The following CSMD1 variants were observed in gnomAD, a reference collection of about 807,000 sequenced individuals.
The protein encoded by CSMD1 is CUB and sushi domain-containing protein 1.
CSMD1 carries 213 observed loss-of-function variants against 417.5 expected under a neutral mutation model. The observed-to-expected ratio is 0.51, with a 90% CI of 0.46 to 0.57. CSMD1 has a LOEUF of 0.57. CSMD1 is among the 20% of genes least tolerant of loss of function. The probability of loss-of-function intolerance (pLI) is 0.00; values close to 1 mark genes in which losing one functional copy is unlikely to be tolerated. For missense variants in CSMD1, 6,923 were observed against 4,529.7 expected (o/e 1.53, Z -15.17); for synonymous variants, 2,862 against 1,736.8 (o/e 1.65, Z -16.11).
chr8:3,066,528 C>G (rs1450374874), intron 49 of CSMD1, among the ~76,000 whole-genome samples: 1 of 152,154 alleles, frequency 6.6e-6, no homozygotes, highest in African/African-American at 2.4e-5. Context: ...TCTGGGGGTC[C>G]TTTAATTCTT....
chr8:4,734,641 CT>C (rs201065424), intron 1 of CSMD1, among the ~76,000 whole-genome samples: 1 of 152,090 alleles, frequency 6.6e-6, no homozygotes, highest in Non-Finnish European at 1.5e-5. Flanking sequence ...ACTGGAAATA[CT>C]TTTTTTATTT....
chr8:4,036,669 C>G (rs1438094170), intron 3 of CSMD1, among the ~76,000 whole-genome samples: 2 of 152,198 alleles, frequency 1.3e-5, no homozygotes, highest in African/African-American at 4.8e-5. Context: ...CATGCCTGTT[C>G]TTTTCATGAA....
chr8:3,401,681 C>A (rs1812047509), intron 15 of CSMD1, among the ~76,000 whole-genome samples: 1 of 152,148 alleles, frequency 6.6e-6, no homozygotes, highest in Non-Finnish European at 1.5e-5. Context: ...CAGGTCCCTT[C>A]TTCAGTTGCT....
At chr8:3,367,415 G>T (rs1585060862) in intron 19 of CSMD1, among the ~76,000 whole-genome samples, 168 bp from the exon 20 acceptor site, 1 of 151,924 alleles carries the variant, frequency 6.6e-6, no homozygotes, top group Non-Finnish European at 1.5e-5. Context: ...TAGCCACAGA[G>T]AGACAGAGAT....
chr8:3,890,308 T>C (rs1806875938), intron 5 of CSMD1, among the ~76,000 whole-genome samples: 1 of 152,092 alleles, frequency 6.6e-6, no homozygotes, highest in Non-Finnish European at 1.5e-5. Flanking sequence ...AATATTAATA[T>C]TAATGGAGAA....
chr8:4,131,320 G>C (rs941074031), intron 3 of CSMD1, among the ~76,000 whole-genome samples: 6 of 152,162 alleles, frequency 3.9e-5, no homozygotes, highest in Admixed American at 3.9e-4. Context: ...TGTGAGGTCT[G>C]ACTGTGCTTT....
intron 7 of CSMD1, among the ~76,000 whole-genome samples, chr8:3,633,224 G>C (rs1224340004): frequency 2.0e-5 from 3 of 152,120 alleles, no homozygotes; most frequent in Non-Finnish European, 4.4e-5. Context: ...AACTTAAAAT[G>C]TCTACATTGG....
At chr8:3,087,011 G>T in intron 49 of CSMD1, 86 bp downstream of exon 49, 1 of 1,197,728 alleles carries the variant, frequency 8.3e-7, no homozygotes, top group Non-Finnish European at 1.2e-6. Context: ...TTTATTCTTA[G>T]TTAGTGCTTC....
intron 3 of CSMD1, among the ~76,000 whole-genome samples, chr8:4,238,626 A>C (rs960572616): frequency 1.3e-5 from 2 of 152,174 alleles, no homozygotes; most frequent in African/African-American, 4.8e-5. Flanking sequence ...AACAGGAAGA[A>C]TGAAACCAAT....
intron 5 of CSMD1, among the ~76,000 whole-genome samples, chr8:3,765,187 T>G (rs1405964389): frequency 1.3e-5 from 2 of 152,218 alleles, no homozygotes; most frequent in African/African-American, 4.8e-5. Context: ...TTCGTGAACC[T>G]TGTGTTCTGC....
chr8:3,145,404 C>T (rs1041274402), intron 40 of CSMD1, among the ~76,000 whole-genome samples: 1 of 151,996 alleles, frequency 6.6e-6, no homozygotes. Flanking sequence ...GGCACAGTCA[C>T]GAAACATAAC....
intron 5 of CSMD1, among the ~76,000 whole-genome samples, chr8:3,986,191 C>A (rs562806447): frequency 6.6e-6 from 1 of 152,084 alleles, no homozygotes; most frequent in South Asian, 2.1e-4. Context: ...TTTTAAGCTG[C>A]CCCTCGGTCC....
intron 5 of CSMD1, among the ~76,000 whole-genome samples, chr8:3,972,157 C>T (rs1263889845): frequency 6.6e-6 from 1 of 152,096 alleles, no homozygotes; most frequent in Non-Finnish European, 1.5e-5. Flanking sequence ...AGGTTGAACC[C>T]CTGTGCCTGG....
At chr8:4,005,338 T>C (rs900930119) in intron 4 of CSMD1, among the ~76,000 whole-genome samples, 1 of 152,158 alleles carries the variant, frequency 6.6e-6, no homozygotes, top group Admixed American at 6.5e-5. Context: ...TCATTGTACT[T>C]GCAGAAAACG....
intron 4 of CSMD1, among the ~76,000 whole-genome samples, chr8:4,011,468 T>C (rs1438708357): frequency 6.6e-6 from 1 of 152,200 alleles, no homozygotes; most frequent in Non-Finnish European, 1.5e-5. Flanking sequence ...TTGCGGTCTT[T>C]AACCTTGTTA....
At chr8:4,293,269 G>A (rs938322974) in intron 3 of CSMD1, among the ~76,000 whole-genome samples, 7 of 152,132 alleles carry the variant, frequency 4.6e-5, no homozygotes, top group Non-Finnish European at 1.0e-4. Flanking sequence ...ACACAACAAG[G>A]AAGCTTGAAG....
intron 17 of CSMD1, among the ~76,000 whole-genome samples, chr8:3,393,462 A>G (rs1171298216): frequency 2.0e-5 from 3 of 152,242 alleles, no homozygotes; most frequent in African/African-American, 7.2e-5. Context: ...TCTTCTTTTT[A>G]GGGATGGAGA....
rs186294269 is a variant in CSMD1, at chr8:4,311,397, G to T, written c.415+108556C>A. Among the ~76,000 whole-genome samples, 14 of 152,248 alleles carry T rather than the reference G, an allele frequency of 9.2e-5. No individual in the cohort carries two copies. In the East Asian group the frequency reaches 1.4e-3, roughly 15 times the overall value. Reference sequence around the variant, plus strand: ...CATTATTCTTGGCAAACTAATGCAGGAACAGAAAACCAAATACATGTTTCA... The same window carrying T: ...CATTATTCTTGGCAAACTAATGCAGTAACAGAAAACCAAATACATGTTTCA... On this transcript the variant is annotated intron_variant, in intron 3 of 69. Coordinates refer to ENST00000635120, the MANE Select transcript of CSMD1 (RefSeq NM_033225.6).
At chr8:3,699,217 T>A (rs939075091) in intron 7 of CSMD1, among the ~76,000 whole-genome samples, 3 of 152,240 alleles carry the variant, frequency 2.0e-5, no homozygotes, top group African/African-American at 7.2e-5. Flanking sequence ...GCACACAATG[T>A]AGACTGACAA....
Sources: gnomAD v4.1 joint callset for allele counts (sites outside exome capture counted in the v4.1 genomes callset) on GRCh38, gnomAD v4.1.1 for gene constraint, MANE v1.5 for transcripts, NCBI Gene and HGNC (gene_info 2026-07-23, HGNC 2026-07-21) for gene names.